The following KCNE1 variants were observed in gnomAD, a reference collection of about 807,000 sequenced individuals.
KCNE1 encodes potassium voltage-gated channel subfamily E member 1.
Under a neutral mutation model 2.9 loss-of-function variants are expected in KCNE1, and 1 was observed. The observed-to-expected ratio is 0.34, with a 90% CI of 0.12 to 1.62. KCNE1 has a LOEUF of 1.62. KCNE1 is among the 40% of genes most tolerant of loss of function. The pLI, the probability that KCNE1 is intolerant of heterozygous loss-of-function variation, is 0.36. For missense variants in KCNE1, 45 were observed against 150.5 expected (o/e 0.30, Z 3.67); for synonymous variants, 23 against 65.4 (o/e 0.35, Z 3.13).
chr21:34,452,911 C>CCCAAGGATTTGGGGCTTG lies in KCNE1; in HGVS notation c.-50-3228_-50-3227insCAAGCCCCAAATCCTTGG, dbSNP rs1981429366. 3.5e-5 allele frequency among the ~76,000 whole-genome samples: 2 copies of CCCAAGGATTTGGGGCTTG among 56,896 alleles called. 1 individual carries two copies. The highest frequency in any genetic ancestry group is 6.2e-5 in the Non-Finnish European group (2 of 32,508). 37.3% of individuals were successfully genotyped at this position (56,896 alleles called of 152,430 possible). Reference sequence around the variant, plus strand: ...TTTCTACCTCATTAAGAAATTGCTGCCCAAGGATTTGGGGCTTTGGGGGTT... The same window carrying CCCAAGGATTTGGGGCTTG: ...TTTCTACCTCATTAAGAAATTGCTGCCCAAGGATTTGGGGCTTGCCAAGGATTTGGGGCTTTGGGGGTT... On this transcript the variant is annotated intron_variant, in intron 3 of 3. Coordinates refer to ENST00000399286, the MANE Select transcript of KCNE1 (RefSeq NM_000219.6).
At chr21:34,508,279 C>T (rs1013706335) in intron 2 of KCNE1, among the ~76,000 whole-genome samples, 6 of 151,862 alleles carry the variant, frequency 4.0e-5, no homozygotes, top group South Asian at 2.1e-4. Context: ...CTGCCCGCCT[C>T]GGCTTTCCAA....
chr21:34,503,681 A>G (rs187064282), intron 2 of KCNE1, among the ~76,000 whole-genome samples: 3 of 152,320 alleles, frequency 2.0e-5, no homozygotes, highest in African/African-American at 2.4e-5. Flanking sequence ...CTTCAACTGT[A>G]TATCAGGAAA....
rs1218645646 is a variant in KCNE1 at position 34,499,740 on chromosome 21, TC to T, written c.-162+11360del. Among the ~76,000 whole-genome samples, 64 of 152,350 alleles carry T rather than the reference TC, an allele frequency of 4.2e-4. 2 individuals are homozygous for T. The highest frequency in any genetic ancestry group is 4.4e-5 in the Non-Finnish European group (3 of 68,032). On this transcript the variant is annotated intron_variant, in intron 2 of 3. Transcript: ENST00000399286. ...GATATGTGCTTGGAGGCAGGTTTTCTCCCTCTCACACTTTGGGAATGCACAG... is the reference window on the plus strand; with the variant it reads ...GATATGTGCTTGGAGGCAGGTTTTCTCCTCTCACACTTTGGGAATGCACAG...
intron 2 of KCNE1, among the ~76,000 whole-genome samples, chr21:34,495,509 AC>A (rs1681618091): frequency 1.3e-5 from 1 of 75,236 alleles, no homozygotes; most frequent in Non-Finnish European, 2.6e-5. Context: ...CTGGTCCTGG[AC>A]TTTTTTTTTT....
chr21:34,504,105 G>A (rs1983329580), intron 2 of KCNE1, among the ~76,000 whole-genome samples: 1 of 152,206 alleles, frequency 6.6e-6, no homozygotes, highest in Non-Finnish European at 1.5e-5. Flanking sequence ...AAGATCCCCA[G>A]TCCCTAGGCC....
chr21:34,502,516 T>TG (rs1225396844), intron 2 of KCNE1, among the ~76,000 whole-genome samples: 1 of 152,242 alleles, frequency 6.6e-6, no homozygotes, highest in East Asian at 1.9e-4. Context: ...GTCCTTTATA[T>TG]GGGTGTGGAC....
chr21:34,500,013 A>T (rs1291515611), intron 2 of KCNE1, among the ~76,000 whole-genome samples: 1 of 152,160 alleles, frequency 6.6e-6, no homozygotes, highest in Non-Finnish European at 1.5e-5. Flanking sequence ...AAGGTCTCAC[A>T]ATGTTGCCCA....
At chr21:34,499,021 G>T (rs1467575844) in intron 2 of KCNE1, among the ~76,000 whole-genome samples, 1 of 152,170 alleles carries the variant, frequency 6.6e-6, no homozygotes, top group Non-Finnish European at 1.5e-5. Context: ...TCATGTGGGG[G>T]CAGAGTTTGG....
At chr21:34,501,811 C>G (rs1983186207) in intron 2 of KCNE1, among the ~76,000 whole-genome samples, 1 of 152,228 alleles carries the variant, frequency 6.6e-6, no homozygotes, top group Non-Finnish European at 1.5e-5. Context: ...CCCATTCACT[C>G]TGCAGCTGAA....
At chr21:34,509,532 T>G (rs1363558612) in intron 2 of KCNE1, 1 of 152,128 alleles carries the variant, frequency 6.6e-6, no homozygotes, top group Non-Finnish European at 1.5e-5. Context: ...CTCAGCTCAC[T>G]GCAAGCTCCG....
intron 2 of KCNE1, among the ~76,000 whole-genome samples, chr21:34,506,426 G>A (rs538065091): frequency 6.6e-6 from 1 of 152,222 alleles, no homozygotes; most frequent in South Asian, 2.1e-4. Flanking sequence ...GGGAAAGCCA[G>A]GCCCAAGTTT....
intron 2 of KCNE1, among the ~76,000 whole-genome samples, chr21:34,508,190 C>CTTT (rs796940352): frequency 2.2e-5 from 3 of 137,600 alleles, no homozygotes; most frequent in African/African-American, 2.7e-5. Context: ...CCACTCCTAG[C>CTTT]TTTTTTTTTT....
chr21:34,501,136 T>C (rs948512465), intron 2 of KCNE1, among the ~76,000 whole-genome samples: 2 of 152,220 alleles, frequency 1.3e-5, no homozygotes, highest in African/African-American at 4.8e-5. Flanking sequence ...GCTATGCAAG[T>C]TGGACTTCTC....
intron 2 of KCNE1, among the ~76,000 whole-genome samples, chr21:34,502,761 G>A (rs1359954239): frequency 2.6e-5 from 4 of 152,218 alleles, no homozygotes; most frequent in Non-Finnish European, 5.9e-5. Flanking sequence ...AAGGCAACTG[G>A]CCTGAGCCTG....
At chr21:34,508,195 T>A (rs904159266) in intron 2 of KCNE1, among the ~76,000 whole-genome samples, 3 of 151,648 alleles carry the variant, frequency 2.0e-5, no homozygotes, top group Non-Finnish European at 4.4e-5. Context: ...CCTAGCTTTT[T>A]TTTTTTTTTT....
At chr21:34,506,905 G>C (rs1445656406) in intron 2 of KCNE1, among the ~76,000 whole-genome samples, 1 of 152,176 alleles carries the variant, frequency 6.6e-6, no homozygotes, top group Non-Finnish European at 1.5e-5. Flanking sequence ...GAAGGGTCCT[G>C]AAGAATGATT....
chr21:34,498,956 C>T (rs903627480), intron 2 of KCNE1, among the ~76,000 whole-genome samples: 2 of 152,112 alleles, frequency 1.3e-5, no homozygotes, highest in South Asian at 4.1e-4. Flanking sequence ...CCATAAAGCT[C>T]CCCAAAATTT....
Position 34,449,963 on chromosome 21 carries a change from G to A in KCNE1, c.-50-279C>T, listed in dbSNP as rs377324101. 5.8e-5 allele frequency among the ~76,000 whole-genome samples: 5 copies of A among 86,604 alleles called. 2 individuals are homozygous for A. Among genetic ancestry groups the A allele is most frequent in the Non-Finnish European group, 1.3e-4 (5 of 37,704 alleles). 56.8% of individuals were successfully genotyped at this position (86,604 alleles called of 152,430 possible). ...AATATGCATTGCTGCATATTGTGGC[G>A]TATGGGGTTGCATGTGTGCATTTTG... On this transcript the variant is annotated intron_variant, in intron 3 of 3. Transcript: ENST00000399286.
chr21:34,504,100 C>T (rs1382310435), intron 2 of KCNE1, among the ~76,000 whole-genome samples: 1 of 152,216 alleles, frequency 6.6e-6, no homozygotes, highest in East Asian at 1.9e-4. Flanking sequence ...TGGGAAAGAT[C>T]CCCAGTCCCT....
Sources: allele counts gnomAD v4.1 joint callset (sites outside exome capture counted in the v4.1 genomes callset), GRCh38; gene constraint gnomAD v4.1.1; transcripts MANE v1.5; gene names NCBI Gene and HGNC (gene_info 2026-07-23, HGNC 2026-07-21).